Variants in NAV3 observed in about 807,000 individuals in gnomAD.
NAV3 encodes neuron navigator 3.
Under a neutral mutation model 244.7 loss-of-function variants are expected in NAV3, and 87 were observed. The ratio of observed to expected loss-of-function variants is 0.36; its 90% CI spans 0.30 to 0.42. The LOEUF (loss-of-function observed/expected upper bound fraction) is 0.42. NAV3 is among the 20% of genes least tolerant of loss of function. The probability of loss-of-function intolerance (pLI) is 1.00; values close to 1 mark genes in which losing one functional copy is unlikely to be tolerated. For synonymous variants in NAV3, 1,126 were observed against 1,042.2 expected (o/e 1.08, Z -1.55); for missense variants, 2,663 against 2,893.3 (o/e 0.92, Z 1.83).
At chr12:78,115,504 T>C (rs1955329756) in intron 12 of NAV3, among the ~76,000 whole-genome samples, 2 of 152,194 alleles carry the variant, frequency 1.3e-5, no homozygotes, top group South Asian at 4.1e-4. Flanking sequence ...ATTCACTAAA[T>C]GAAGGTGCTG....
chr12:78,131,603 A>T (rs1956168887), intron 18 of NAV3, among the ~76,000 whole-genome samples: 1 of 151,966 alleles, frequency 6.6e-6, no homozygotes, highest in Admixed American at 6.6e-5. Context: ...TGATTAGTTG[A>T]CTCCTTCTTC....
chr12:77,821,742 A>G (rs1872753469), intron 2 of NAV3, among the ~76,000 whole-genome samples: 1 of 152,202 alleles, frequency 6.6e-6, no homozygotes, highest in African/African-American at 2.4e-5. Flanking sequence ...CTGTTATTAT[A>G]CATTGTTACA....
At chr12:78,025,710 A>T (rs979315479) in intron 9 of NAV3, among the ~76,000 whole-genome samples, 1 of 151,202 alleles carries the variant, frequency 6.6e-6, no homozygotes, top group Non-Finnish European at 1.5e-5. Context: ...GCTTGGTGCC[A>T]TTCTCCTGGG....
intron 5 of NAV3, among the ~76,000 whole-genome samples, chr12:77,986,682 T>C (rs1870572201): frequency 6.6e-6 from 1 of 152,180 alleles, no homozygotes; most frequent in South Asian, 2.1e-4. Flanking sequence ...GCTGTTAAAA[T>C]AACTATAACA....
intron 2 of NAV3, among the ~76,000 whole-genome samples, chr12:77,792,900 C>T (rs1871245986): frequency 6.6e-6 from 1 of 152,152 alleles, no homozygotes; most frequent in Non-Finnish European, 1.5e-5. Flanking sequence ...TACTGAAAAG[C>T]ATGTCTCTCA....
At chr12:77,598,874 T>C (rs778792164) in intron 2 of NAV3, among the ~76,000 whole-genome samples, 5 of 152,060 alleles carry the variant, frequency 3.3e-5, no homozygotes, top group Non-Finnish European at 7.4e-5. Flanking sequence ...ATATACCTTC[T>C]TAACAATTGT....
chr12:77,964,955 A>AT (rs1027352068), intron 3 of NAV3, among the ~76,000 whole-genome samples: 5 of 152,204 alleles, frequency 3.3e-5, no homozygotes, highest in South Asian at 4.1e-4. Flanking sequence ...TCTTGAATCT[A>AT]TTTTTTTCTT....
intron 39 of NAV3, among the ~76,000 whole-genome samples, chr12:78,208,614 A>T (rs771248388): frequency 3.3e-5 from 5 of 152,198 alleles, no homozygotes; most frequent in Non-Finnish European, 7.3e-5. Flanking sequence ...ATTTATTATG[A>T]ATCTGAGATG....
intron 2 of NAV3, among the ~76,000 whole-genome samples, chr12:77,616,218 C>T (rs1385945799): frequency 6.6e-6 from 1 of 151,686 alleles, no homozygotes; most frequent in Admixed American, 6.6e-5. Flanking sequence ...ACTAGACTGG[C>T]CAACGTGGTG....
chr12:77,816,904 G>T (rs1872548471), intron 2 of NAV3, among the ~76,000 whole-genome samples: 1 of 152,110 alleles, frequency 6.6e-6, no homozygotes. Context: ...TTTAAAGCTT[G>T]CCGTTCAGAG....
chr12:77,971,137 C>A (rs1892965751), intron 5 of NAV3, among the ~76,000 whole-genome samples: 1 of 151,916 alleles, frequency 6.6e-6, no homozygotes, highest in Non-Finnish European at 1.5e-5. Flanking sequence ...AAATATAAAG[C>A]CATGTATAAT....
At chr12:77,973,112 C>T (rs967845321) in intron 5 of NAV3, among the ~76,000 whole-genome samples, 12 of 151,982 alleles carry the variant, frequency 7.9e-5, no homozygotes, top group East Asian at 1.9e-4. Flanking sequence ...TTTTAAAAGA[C>T]GTGATTTTTC....
chr12:77,797,416 A>C (rs1180632785), intron 2 of NAV3, among the ~76,000 whole-genome samples: 1 of 151,900 alleles, frequency 6.6e-6, no homozygotes, highest in Non-Finnish European at 1.5e-5. Flanking sequence ...AACTTAATAA[A>C]AGTTTGTTAT....
chr12:78,024,167 A>G (rs755107583), intron 9 of NAV3, among the ~76,000 whole-genome samples: 1 of 152,134 alleles, frequency 6.6e-6, no homozygotes, highest in Non-Finnish European at 1.5e-5. Flanking sequence ...CCTTAGCTGA[A>G]TTCCTGTAAT....
intron 2 of NAV3, among the ~76,000 whole-genome samples, chr12:77,792,619 G>A (rs1024488677): frequency 6.6e-6 from 1 of 152,144 alleles, no homozygotes; most frequent in Non-Finnish European, 1.5e-5. Flanking sequence ...CCTTCGATGG[G>A]CAATTTTGGT....
chr12:77,867,607 A>T (rs913404772), intron 1 of NAV3, among the ~76,000 whole-genome samples: 31 of 151,958 alleles, frequency 2.0e-4, no homozygotes, highest in Non-Finnish European at 8.8e-5. Flanking sequence ...TTTTTACTAG[A>T]GACGGGGTTT....
intron 11 of NAV3, 133 bp from the exon 12 acceptor site, chr12:78,058,863 C>A: frequency 1.5e-6 from 1 of 670,604 alleles, no homozygotes; most frequent in Non-Finnish European, 2.2e-6. Context: ...AATGTTTATA[C>A]AGAATAAAAA....
chr12:77,631,600 A>T (rs1205935560), intron 2 of NAV3, among the ~76,000 whole-genome samples: 2 of 152,148 alleles, frequency 1.3e-5, no homozygotes, highest in Non-Finnish European at 2.9e-5. Context: ...TCCACAAAGA[A>T]GCTGAGACTG....
chr12:77,904,207 T>C (rs1885674178), intron 1 of NAV3, among the ~76,000 whole-genome samples: 1 of 152,184 alleles, frequency 6.6e-6, no homozygotes, highest in Non-Finnish European at 1.5e-5. Flanking sequence ...ATGTTTATTG[T>C]GGCACTATTC....
Sources: gnomAD v4.1 joint callset for allele counts (sites outside exome capture counted in the v4.1 genomes callset) on GRCh38, gnomAD v4.1.1 for gene constraint, MANE v1.5 for transcripts, NCBI Gene and HGNC (gene_info 2026-07-23, HGNC 2026-07-21) for gene names.